Variants in SLC60A2 observed in about 807,000 individuals in gnomAD.
SLC60A2 encodes the protein major facilitator superfamily domain containing 4B.
the SLC60A2 span, chr6:111,266,994 C>G: frequency 6.2e-7 from 1 of 1,614,172 alleles, no homozygotes; most frequent in Admixed American, 1.7e-5. Flanking sequence ...TCTGACGGAG[C>G]CCACAGCTGA....
At chr6:111,274,845 G>GTT in the SLC60A2 span, among the ~76,000 whole-genome samples, 3 of 152,034 alleles carry the variant, frequency 2.0e-5, no homozygotes, top group African/African-American at 7.2e-5. Context: ...CTTATTCTCT[G>GTT]TTTTTTGTGT....
the SLC60A2 span, chr6:111,266,718 GT>G: frequency 6.2e-7 from 1 of 1,614,176 alleles, no homozygotes; most frequent in South Asian, 1.1e-5. Flanking sequence ...TTTGCCTGTA[GT>G]TCTGTATACC....
the SLC60A2 span, among the ~76,000 whole-genome samples, chr6:111,260,550 C>T: frequency 2.6e-5 from 4 of 152,148 alleles, no homozygotes; most frequent in African/African-American, 7.2e-5. Flanking sequence ...AAAGGGCAAG[C>T]CTAGAGGCGC....
the SLC60A2 span, among the ~76,000 whole-genome samples, chr6:111,271,760 A>C: frequency 8.3e-6 from 1 of 120,454 alleles, no homozygotes; most frequent in Non-Finnish European, 1.7e-5. Context: ...CAACATGGCA[A>C]AACCCCATCT....
chr6:111,266,248 C>T, the SLC60A2 span: 1 of 1,614,142 alleles, frequency 6.2e-7, no homozygotes, highest in Non-Finnish European at 8.5e-7. Context: ...TATCACAACG[C>T]CCTTCTTTGT....
the SLC60A2 span, chr6:111,265,906 G>A: frequency 6.2e-7 from 1 of 1,611,756 alleles, no homozygotes; most frequent in Non-Finnish European, 8.5e-7. Flanking sequence ...GCTATTTGGG[G>A]GGACAAAGGA....
At chr6:111,276,708 C>G in the SLC60A2 span, among the ~76,000 whole-genome samples, 2 of 151,966 alleles carry the variant, frequency 1.3e-5, no homozygotes. Flanking sequence ...TGTGCTCATT[C>G]GTTTACAGAG....
At chr6:111,259,799 T>C in the SLC60A2 span, 18 of 1,428,910 alleles carry the variant, frequency 1.3e-5, no homozygotes, top group Non-Finnish European at 1.6e-5. Context: ...CAAACTGACC[T>C]TGGGCGCGTT....
chr6:111,267,434 C>T, the SLC60A2 span: 5 of 230,008 alleles, frequency 2.2e-5, no homozygotes, highest in Non-Finnish European at 4.2e-5. Flanking sequence ...GGGGGGTATT[C>T]TCAGAATGAG....
the SLC60A2 span, among the ~76,000 whole-genome samples, chr6:111,273,682 C>G: frequency 6.6e-6 from 1 of 151,964 alleles, no homozygotes; most frequent in Non-Finnish European, 1.5e-5. Context: ...GACTGGATGA[C>G]TGAAGTCCCC....
chr6:111,266,769 G>T, the SLC60A2 span: 1 of 1,614,058 alleles, frequency 6.2e-7, no homozygotes, highest in Non-Finnish European at 8.5e-7. Flanking sequence ...TTTATTTCCT[G>T]TGCTATATAA....
chr6:111,272,853 A>G, the SLC60A2 span, among the ~76,000 whole-genome samples: 107,886 of 151,770 alleles, frequency 0.71, 40,647 homozygotes, highest in Non-Finnish European at 0.84. Context: ...TTTTTAAGAC[A>G]GAGTCTTGCT....
At chr6:111,259,853 C>T in the SLC60A2 span, 3 of 691,078 alleles carry the variant, frequency 4.3e-6, no homozygotes, top group Non-Finnish European at 6.8e-6. Flanking sequence ...AGAAAATGGG[C>T]ACAATTCTAA....
chr6:111,271,717 C>A, the SLC60A2 span, among the ~76,000 whole-genome samples: 3 of 125,046 alleles, frequency 2.4e-5, no homozygotes, highest in African/African-American at 8.9e-5. Context: ...GTGGGTGGAT[C>A]ACTTGAGGTC....
the SLC60A2 span, among the ~76,000 whole-genome samples, chr6:111,274,267 T>C: frequency 6.6e-6 from 1 of 152,226 alleles, no homozygotes; most frequent in Non-Finnish European, 1.5e-5. Context: ...ATTTTCTTTG[T>C]CTCTTTTTAC....
At chr6:111,279,539 C>T in the SLC60A2 span, among the ~76,000 whole-genome samples, 7 of 150,214 alleles carry the variant, frequency 4.7e-5, no homozygotes, top group East Asian at 5.8e-4. Context: ...TGAGCCACCG[C>T]GCCTAGCCTG....
the SLC60A2 span, chr6:111,266,045 A>G: frequency 3.1e-6 from 5 of 1,614,152 alleles, no homozygotes; most frequent in Admixed American, 8.3e-5. Context: ...TCCATCCTGC[A>G]CTCAACCAAT....
chr6:111,262,391 T>G, the SLC60A2 span: 1 of 1,613,708 alleles, frequency 6.2e-7, no homozygotes, highest in Non-Finnish European at 8.5e-7. Flanking sequence ...TTGGTGGATT[T>G]CTTGTCGATG....
chr6:111,266,843 T>C, the SLC60A2 span: 4 of 1,613,822 alleles, frequency 2.5e-6, no homozygotes, highest in Admixed American at 3.3e-5. Context: ...ACCAGAAAGC[T>C]CTGCTCTCTA....
Sources: allele counts gnomAD v4.1 joint callset (sites outside exome capture counted in the v4.1 genomes callset), GRCh38; gene constraint gnomAD v4.1.1; transcripts MANE v1.5; gene names NCBI Gene and HGNC (gene_info 2026-07-23, HGNC 2026-07-21).